CCDC178: variants seen among roughly 807,000 people sequenced by gnomAD.
CCDC178 encodes the protein coiled-coil domain-containing protein 178.
Under a neutral mutation model 117.4 loss-of-function variants are expected in CCDC178, and 126 were observed. The observed-to-expected ratio is 1.07, with a 90% CI of 0.93 to 1.24. The LOEUF is 1.24. Among genes scored for constraint, CCDC178 ranks in the 50% most tolerant of loss-of-function variants. CCDC178 has a pLI of 0.00. For missense variants in CCDC178, 1,030 were observed against 986.9 expected (o/e 1.04, Z -0.59); for synonymous variants, 283 against 313.4 (o/e 0.90, Z 1.02).
intron 20 of CCDC178, among the ~76,000 whole-genome samples, chr18:33,146,552 T>C (rs2050507226): frequency 6.6e-6 from 1 of 152,112 alleles, no homozygotes. Context: ...CATGGGAGGC[T>C]GAGGCAGAGG....
intron 11 of CCDC178, among the ~76,000 whole-genome samples, chr18:33,295,679 T>C (rs2062097515): frequency 6.6e-6 from 1 of 152,042 alleles, no homozygotes; most frequent in African/African-American, 2.4e-5. Context: ...AACAAGCACA[T>C]GAAAAGATGT....
intron 21 of CCDC178, among the ~76,000 whole-genome samples, chr18:33,021,337 A>C (rs1410668691): frequency 6.6e-6 from 1 of 152,126 alleles, no homozygotes; most frequent in East Asian, 1.9e-4. Flanking sequence ...ATTTTCTCAT[A>C]TATTTTCATT....
intron 9 of CCDC178, among the ~76,000 whole-genome samples, chr18:33,337,468 C>T (rs2062756428): frequency 6.6e-6 from 1 of 152,070 alleles, no homozygotes; most frequent in African/African-American, 2.4e-5. Context: ...TGAAAGTGGG[C>T]ATCCTTGTCT....
At chr18:33,265,775 A>G (rs2059805140) in intron 14 of CCDC178, among the ~76,000 whole-genome samples, 1 of 152,026 alleles carries the variant, frequency 6.6e-6, no homozygotes. Context: ...AAGATAAATA[A>G]GAACATGCCT....
intron 20 of CCDC178, among the ~76,000 whole-genome samples, chr18:33,127,291 C>G (rs72943339): frequency 0.038 from 5,776 of 152,028 alleles, 142 homozygotes; most frequent in East Asian, 0.11. Flanking sequence ...CAAATGGCAG[C>G]ATATCTAAGC....
chr18:33,117,046 A>C (rs1254749045), intron 20 of CCDC178, among the ~76,000 whole-genome samples: 1 of 152,080 alleles, frequency 6.6e-6, no homozygotes, highest in African/African-American at 2.4e-5. Context: ...TCTGTGGTTA[A>C]TAGTTTGGCT....
At chr18:33,022,824 T>A (rs2056149407) in intron 21 of CCDC178, among the ~76,000 whole-genome samples, 1 of 152,042 alleles carries the variant, frequency 6.6e-6, no homozygotes, top group Admixed American at 6.5e-5. Flanking sequence ...ATGACTCAAC[T>A]ATGTACTGTC....
intron 21 of CCDC178, among the ~76,000 whole-genome samples, chr18:32,993,095 G>A (rs2055428237): frequency 6.6e-6 from 1 of 152,062 alleles, no homozygotes; most frequent in Non-Finnish European, 1.5e-5. Flanking sequence ...GAACCCGGGA[G>A]GCAGAGGTTG....
intron 2 of CCDC178, 94 bp downstream of exon 2, chr18:33,439,868 G>C (rs2064354250): frequency 2.0e-5 from 3 of 152,212 alleles, no homozygotes; most frequent in Admixed American, 2.0e-4. Context: ...GCTTTGAATT[G>C]GCAATCGGGA....
chr18:33,397,424 G>A (rs947129370), intron 3 of CCDC178, among the ~76,000 whole-genome samples: 3 of 151,992 alleles, frequency 2.0e-5, no homozygotes, highest in East Asian at 1.9e-4. Flanking sequence ...AAAACACTGC[G>A]GAAGAAAATG....
At chr18:32,987,950 G>A (rs753291267) in intron 21 of CCDC178, among the ~76,000 whole-genome samples, 2 of 151,786 alleles carry the variant, frequency 1.3e-5, no homozygotes, top group African/African-American at 4.8e-5. Context: ...GGTGGCAGAC[G>A]CCTGCAATCC....
At chr18:33,394,683 T>C (rs1250293696) in intron 4 of CCDC178, among the ~76,000 whole-genome samples, 1 of 151,612 alleles carries the variant, frequency 6.6e-6, no homozygotes, top group South Asian at 2.1e-4. Context: ...CTTAAGCATA[T>C]CTTGGAATAT....
At chr18:33,311,195 C>A (rs942502946) in intron 11 of CCDC178, among the ~76,000 whole-genome samples, 1 of 150,506 alleles carries the variant, frequency 6.6e-6, no homozygotes, top group Non-Finnish European at 1.5e-5. Flanking sequence ...CAAACAACAA[C>A]AAAAAACTGT....
intron 7 of CCDC178, among the ~76,000 whole-genome samples, chr18:33,351,098 T>G (rs1490507545): frequency 2.0e-5 from 3 of 151,916 alleles, no homozygotes; most frequent in Non-Finnish European, 4.4e-5. Context: ...TAACTAATTT[T>G]CGTATGCTAA....
chr18:33,168,438 T>C (rs2058559462), intron 20 of CCDC178, among the ~76,000 whole-genome samples: 2 of 152,300 alleles, frequency 1.3e-5, no homozygotes, highest in African/African-American at 4.8e-5. Flanking sequence ...GTTCCATTGG[T>C]TTATGTGTCT....
At chr18:33,188,483 G>C (rs907109468) in intron 20 of CCDC178, among the ~76,000 whole-genome samples, 3 of 152,094 alleles carry the variant, frequency 2.0e-5, no homozygotes, top group African/African-American at 4.8e-5. Context: ...AGGCAAAAGA[G>C]GAAAGCAGGA....
chr18:33,230,972 C>T (rs1170409367), intron 15 of CCDC178, among the ~76,000 whole-genome samples: 1 of 152,180 alleles, frequency 6.6e-6, no homozygotes, highest in Non-Finnish European at 1.5e-5. Context: ...AGCAACTGTT[C>T]CAATAATGGA....
At chr18:33,178,016 C>CT (rs975442731) in intron 20 of CCDC178, among the ~76,000 whole-genome samples, 2 of 151,848 alleles carry the variant, frequency 1.3e-5, no homozygotes, top group South Asian at 2.1e-4. Flanking sequence ...TCTCAGTGGA[C>CT]TTTTTTTTGA....
intron 20 of CCDC178, among the ~76,000 whole-genome samples, chr18:33,137,359 A>T (rs2058141556): frequency 6.6e-6 from 1 of 152,228 alleles, no homozygotes; most frequent in Admixed American, 6.5e-5. Context: ...AAATGATTGT[A>T]TAAGGAATTA....
Sources: allele counts gnomAD v4.1 joint callset (sites outside exome capture counted in the v4.1 genomes callset), GRCh38; gene constraint gnomAD v4.1.1; transcripts MANE v1.5; gene names NCBI Gene and HGNC (gene_info 2026-07-23, HGNC 2026-07-21).